Variants in LMBR1 observed in about 807,000 individuals in gnomAD.
LMBR1 encodes the protein limb development membrane protein 1, also known as limb region 1 protein homolog.
Under a neutral mutation model 73.9 loss-of-function variants are expected in LMBR1, and 52 were observed. That is an observed-to-expected ratio of 0.70 (90% CI 0.56 to 0.89). The LOEUF (loss-of-function observed/expected upper bound fraction) is 0.89, where lower values mean the gene tolerates loss of function less well. Among genes scored for constraint, LMBR1 ranks in the 40% least tolerant of loss-of-function variants. The probability of loss-of-function intolerance (pLI) is 0.00; values close to 1 mark genes in which losing one functional copy is unlikely to be tolerated. For synonymous variants in LMBR1, 215 were observed against 209.4 expected (o/e 1.03, Z -0.23); for missense variants, 539 against 579.8 (o/e 0.93, Z 0.72).
intron 15 of LMBR1, among the ~76,000 whole-genome samples, chr7:156,698,193 T>G (rs1217762192): frequency 6.6e-6 from 1 of 152,192 alleles, no homozygotes; most frequent in Non-Finnish European, 1.5e-5. Context: ...AGAAGTGGGT[T>G]CCCATGGTCT....
At chr7:156,884,701 G>A (rs1021228931) in intron 1 of LMBR1, among the ~76,000 whole-genome samples, 3 of 152,104 alleles carry the variant, frequency 2.0e-5, no homozygotes, top group Non-Finnish European at 4.4e-5. Flanking sequence ...TATGCAATAA[G>A]CCCAATTTGT....
intron 5 of LMBR1, among the ~76,000 whole-genome samples, chr7:156,793,763 T>C (rs915294649): frequency 6.6e-6 from 1 of 152,222 alleles, no homozygotes; most frequent in African/African-American, 2.4e-5. Context: ...AATTTAATAA[T>C]AGCTAATTTA....
chr7:156,762,878 CGTCT>C (rs1823366453), intron 7 of LMBR1, among the ~76,000 whole-genome samples: 1 of 132,896 alleles, frequency 7.5e-6, no homozygotes, highest in African/African-American at 2.7e-5. Context: ...TGTGTCTGTC[CGTCT>C]GTCTCACTCT....
chr7:156,725,583 C>T lies in LMBR1; in HGVS notation c.1068-58G>A. The T allele has an allele frequency of 4.4e-6, 6 of 1,367,502 alleles. No homozygotes were observed. The Admixed American group carries it at 1.3e-4, about 29-fold the overall frequency. 84.7% of individuals were successfully genotyped at this position (1,367,502 alleles called of 1,614,324 possible). A position where few individuals can be genotyped will look rare whatever the true frequency, so the allele number is the denominator to read the frequency against. On this transcript the variant is annotated intron_variant, in intron 13 of 16. Coordinates refer to ENST00000353442, the MANE Select transcript of LMBR1 (RefSeq NM_022458.4). ...GAATGCAAGTTTCCTAAGTTCTCGG[C>T]AGTCTCCAAAAAGTCTTAAGGCCCA...
chr7:156,748,481 C>T (rs779437927), intron 9 of LMBR1, among the ~76,000 whole-genome samples: 2 of 152,026 alleles, frequency 1.3e-5, no homozygotes, highest in Admixed American at 1.3e-4. Context: ...TTCTACTACA[C>T]AAATTTGGAT....
At chr7:156,866,875 T>C (rs897892579) in intron 1 of LMBR1, among the ~76,000 whole-genome samples, 1 of 152,172 alleles carries the variant, frequency 6.6e-6, no homozygotes, top group African/African-American at 2.4e-5. Context: ...GTGCTGGGAT[T>C]ACAGGCATGA....
intron 15 of LMBR1, among the ~76,000 whole-genome samples, chr7:156,692,179 C>A (rs576338017): frequency 6.6e-6 from 1 of 152,104 alleles, no homozygotes; most frequent in Non-Finnish European, 1.5e-5. Context: ...TGGGTTCAAG[C>A]GATTTTCCTG....
chr7:156,786,566 T>C (rs535639406), intron 5 of LMBR1, among the ~76,000 whole-genome samples: 3 of 152,152 alleles, frequency 2.0e-5, no homozygotes, highest in African/African-American at 4.8e-5. Context: ...CAAAATAGAA[T>C]AGACTATATT....
intron 16 of LMBR1, 73 bp downstream of exon 16, chr7:156,687,957 G>A (rs1806324894): frequency 1.5e-6 from 2 of 1,317,656 alleles, no homozygotes; most frequent in African/African-American, 1.5e-5. Flanking sequence ...AATAGCTGAA[G>A]ATGTAATATT....
At chr7:156,774,219 T>C (rs1053488828) in intron 5 of LMBR1, among the ~76,000 whole-genome samples, 2 of 152,114 alleles carry the variant, frequency 1.3e-5, no homozygotes, top group African/African-American at 2.4e-5. Context: ...AAACAACAGA[T>C]GCTGGTGAGG....
intron 1 of LMBR1, among the ~76,000 whole-genome samples, chr7:156,861,846 A>C (rs1461185682): frequency 6.6e-6 from 1 of 152,076 alleles, no homozygotes; most frequent in African/African-American, 2.4e-5. Flanking sequence ...TCTCCTCTCC[A>C]TCTGAGACCA....
intron 1 of LMBR1, among the ~76,000 whole-genome samples, chr7:156,886,703 G>A (rs1052377461): frequency 3.3e-5 from 5 of 152,078 alleles, no homozygotes; most frequent in South Asian, 2.1e-4. Context: ...TTGTTTAGCC[G>A]CTAGAAAAAA....
chr7:156,826,710 C>G lies in LMBR1; in HGVS notation c.214G>C (p.Ala72Pro). 3.7e-6 allele frequency: 6 copies of G among 1,611,962 alleles called. No individual in the cohort carries two copies. Among genetic ancestry groups the G allele is most frequent in the Non-Finnish European group, 5.1e-6 (6 of 1,178,846 alleles). ...FLSTFTLAVS[A>P]GAVLLLPFSI... ...AAGGGTAAAAGCAAAACAGCCCCAG[C>G]TGACACTGCGAGAGTGAACGTGCTC... Residue 72 changes from alanine to proline, a missense_variant, in exon 4 of 17, where the codon GCT becomes CCT. This residue lies in a region of LMBR1 where 454 missense variants were observed against 473.4 expected (regional missense o/e 0.96). Transcript: ENST00000353442.
chr7:156,842,279 A>C lies in LMBR1; in HGVS notation c.67-5394T>G, dbSNP rs143324042. On this transcript the variant is annotated intron_variant, in intron 1 of 16. Transcript: ENST00000353442. ...AGTCAGATTAACATCTAAAGGACTG[A>C]GGCCCGAACAAAGAGTCAAGCTACC... 6.1e-3 allele frequency among the ~76,000 whole-genome samples: 906 copies of C among 148,170 alleles called. 40 individuals are homozygous for C. Among genetic ancestry groups the C allele is most frequent in the Non-Finnish European group, 0.01 (676 of 66,914 alleles).
At chr7:156,821,277 C>G (rs1834754922) in intron 4 of LMBR1, among the ~76,000 whole-genome samples, 1 of 152,234 alleles carries the variant, frequency 6.6e-6, no homozygotes, top group African/African-American at 2.4e-5. Flanking sequence ...CCTTCTCTCT[C>G]CCAGCCTGCA....
intron 1 of LMBR1, among the ~76,000 whole-genome samples, chr7:156,864,735 G>A (rs557049988): frequency 8.5e-5 from 13 of 152,184 alleles, no homozygotes; most frequent in South Asian, 2.1e-4. Context: ...AGTGGCTCAC[G>A]CCTGTAATCT....
At chr7:156,702,906 C>T (rs1393219962) in intron 15 of LMBR1, among the ~76,000 whole-genome samples, 2 of 152,318 alleles carry the variant, frequency 1.3e-5, no homozygotes, top group East Asian at 3.9e-4. Context: ...AAAGCAGCTT[C>T]CTGAAAAGGA....
At chr7:156,675,431 T>G (rs1178589708), downstream of LMBR1, among the ~76,000 whole-genome samples, 1 of 152,188 alleles carries the variant, frequency 6.6e-6, no homozygotes, top group Non-Finnish European at 1.5e-5. Flanking sequence ...GAATGTTTTT[T>G]CCTTAAAATA....
intron 1 of LMBR1, among the ~76,000 whole-genome samples, chr7:156,858,421 G>T (rs78772460): frequency 6.6e-6 from 1 of 152,090 alleles, no homozygotes; most frequent in East Asian, 1.9e-4. Flanking sequence ...TAAAGAAACC[G>T]AATCAACAAT....
Sources: gnomAD v4.1 joint callset for allele counts (sites outside exome capture counted in the v4.1 genomes callset) on GRCh38, gnomAD v4.1.1 for gene constraint, gnomAD v4.1.1 regional missense constraint, MANE v1.5 for transcripts, NCBI Gene and HGNC (gene_info 2026-07-23, HGNC 2026-07-21) for gene names.